The following ADPRHL1 variants were observed in gnomAD, a reference collection of about 807,000 sequenced individuals.
ADPRHL1 encodes inactive ADP-ribosyltransferase ARH2.
In ADPRHL1, 43 loss-of-function variants were observed where a neutral mutation model predicts 44.1. That is an observed-to-expected ratio of 0.98 (90% CI 0.76 to 1.26). The LOEUF is 1.26. ADPRHL1 is among the 50% of genes most tolerant of loss of function. ADPRHL1 has a pLI of 0.00. For missense variants in ADPRHL1, 2,022 were observed against 2,496.9 expected (o/e 0.81, Z 4.05); for synonymous variants, 878 against 1,017.4 (o/e 0.86, Z 2.61).
chr13:113,451,189 A>G (rs569312203), intron 1 of ADPRHL1, among the ~76,000 whole-genome samples: 7 of 152,358 alleles, frequency 4.6e-5, no homozygotes, highest in Admixed American at 1.3e-4. Context: ...GGTTTTTCCT[A>G]GGCTATGATT....
chr13:113,440,400 A>G (rs1230304948), intron 2 of ADPRHL1, among the ~76,000 whole-genome samples: 1 of 151,732 alleles, frequency 6.6e-6, no homozygotes, highest in East Asian at 1.9e-4. Flanking sequence ...TGTATGTGTT[A>G]CTAATATAGT....
chr13:113,430,357 T>C (rs967056867), intron 3 of ADPRHL1, among the ~76,000 whole-genome samples: 1 of 152,142 alleles, frequency 6.6e-6, no homozygotes, highest in African/African-American at 2.4e-5. Context: ...ACATGAGCTC[T>C]CTCCTCTCAC....
intron 1 of ADPRHL1, among the ~76,000 whole-genome samples, chr13:113,450,963 C>G (rs1595558849): frequency 6.8e-6 from 1 of 147,066 alleles, no homozygotes; most frequent in Non-Finnish European, 1.5e-5. Context: ...CCCCCCCCCC[C>G]TTCCTGGTCT....
intron 1 of ADPRHL1, among the ~76,000 whole-genome samples, chr13:113,450,817 A>T (rs796104641): frequency 6.6e-6 from 1 of 152,314 alleles, no homozygotes; most frequent in South Asian, 2.1e-4. Flanking sequence ...GCAGACTAGG[A>T]GTGTGACCAC....
chr13:113,413,588 C>T (rs181286204), intron 7 of ADPRHL1, among the ~76,000 whole-genome samples: 1 of 152,364 alleles, frequency 6.6e-6, no homozygotes, highest in African/African-American at 2.4e-5. Flanking sequence ...CTTTCCCACC[C>T]CTGCTGCACA....
intron 1 of ADPRHL1, among the ~76,000 whole-genome samples, chr13:113,445,665 C>G (rs910611887): frequency 6.6e-6 from 1 of 152,148 alleles, no homozygotes; most frequent in African/African-American, 2.4e-5. Flanking sequence ...CTTGGCCCAC[C>G]CTCCATGGGG....
At chr13:113,433,358 C>T (rs888812755) in intron 3 of ADPRHL1, among the ~76,000 whole-genome samples, 1 of 152,230 alleles carries the variant, frequency 6.6e-6, no homozygotes, top group Non-Finnish European at 1.5e-5. Context: ...GTTTCTTTGT[C>T]TTTTGTTCTG....
chr13:113,413,516 C>T (rs982911769), intron 7 of ADPRHL1, among the ~76,000 whole-genome samples: 20 of 152,234 alleles, frequency 1.3e-4, no homozygotes, highest in African/African-American at 4.3e-4. Flanking sequence ...TGGGGCTCTG[C>T]GTGTCTCCCG....
intron 7 of ADPRHL1, among the ~76,000 whole-genome samples, chr13:113,418,984 C>CT (rs2043900041): frequency 9.5e-6 from 1 of 105,560 alleles, no homozygotes; most frequent in Non-Finnish European, 2.0e-5. Context: ...TTTTCCTTCC[C>CT]TCCCTCCCTC....
At chr13:113,448,955 T>C in intron 1 of ADPRHL1, 3 of 985,624 alleles carry the variant, frequency 3.0e-6, no homozygotes, top group Non-Finnish European at 3.6e-6. Flanking sequence ...GGCCGAGCTC[T>C]CTGTGCGAGG....
intron 7 of ADPRHL1, among the ~76,000 whole-genome samples, chr13:113,418,098 G>C (rs1320990556): frequency 6.6e-6 from 1 of 152,178 alleles, no homozygotes; most frequent in African/African-American, 2.4e-5. Context: ...AGGGGAGAAG[G>C]CTTGAGTGTG....
chr13:113,445,416 G>A (rs1241551377), intron 1 of ADPRHL1, among the ~76,000 whole-genome samples: 1 of 152,272 alleles, frequency 6.6e-6, no homozygotes, highest in East Asian at 1.9e-4. Flanking sequence ...CTGGTGCCTG[G>A]CCATGCCAGG....
intron 7 of ADPRHL1, among the ~76,000 whole-genome samples, chr13:113,416,997 G>T (rs2043890419): frequency 6.6e-6 from 1 of 152,208 alleles, no homozygotes; most frequent in South Asian, 2.1e-4. Flanking sequence ...CGTGGGAGTT[G>T]TCGGAGCTAG....
chr13:113,411,009 TTGCAGG>T (rs1429470931), intron 7 of ADPRHL1, among the ~76,000 whole-genome samples: 1 of 152,218 alleles, frequency 6.6e-6, no homozygotes, highest in Non-Finnish European at 1.5e-5. Context: ...CTTAATGACT[TTGCAGG>T]TGAGTCATTC....
In ADPRHL1 at chr13:113,413,444, G is replaced by A. The variant is rs185128650; in HGVS notation, c.1062-5224C>T. 6.3e-3 allele frequency among the ~76,000 whole-genome samples: 966 copies of A among 152,290 alleles called. 10 individuals are homozygous for A. Among genetic ancestry groups the A allele is most frequent in the Non-Finnish European group, 7.4e-3 (500 of 68,014 alleles). Reference sequence around the variant, plus strand: ...CCCCACAAAGGGGAACAGCGTGGACGCCAGGAACGCCCCCAAGTCATGGAC... The same window carrying A: ...CCCCACAAAGGGGAACAGCGTGGACACCAGGAACGCCCCCAAGTCATGGAC... On this transcript the variant is annotated intron_variant, in intron 7 of 7. Coordinates refer to ENST00000612156, the MANE Select transcript of ADPRHL1 (RefSeq NM_001394807.1).
At chr13:113,448,701 G>A in intron 1 of ADPRHL1, among the ~76,000 whole-genome samples, 1 of 152,206 alleles carries the variant, frequency 6.6e-6, no homozygotes, top group South Asian at 2.1e-4. Context: ...CCGCCATCCT[G>A]CTGGGCCCTG....
chr13:113,421,254 C>CCGGG (rs2043918956), intron 7 of ADPRHL1, among the ~76,000 whole-genome samples: 6 of 55,368 alleles, frequency 1.1e-4, no homozygotes, highest in African/African-American at 2.4e-4. Flanking sequence ...ACGCCCACCC[C>CCGGG]AGGGACACGC....
rs1411449448 is a variant in ADPRHL1 at position 113,406,149 on chromosome 13, A to AT, written c.3132dup (p.Ser1045IlefsTer9). ...TCAGGCCCCGTACGCCCCTTGGATG[A>AT]TGCCGCCAGTGACGTGGGGGCTCCT... On this transcript the variant is annotated frameshift_variant, in exon 8 of 8. Transcript: ENST00000612156. LOFTEE classifies it low-confidence loss of function (END_TRUNC). The AT allele has an allele frequency of 4.1e-6, 5 of 1,231,974 alleles. No individual in the cohort carries two copies. Among genetic ancestry groups the AT allele is most frequent in the Non-Finnish European group, 5.1e-6 (5 of 987,984 alleles). The allele number at this position is 1,231,974 out of a possible 1,614,324, so 76.3% of individuals were successfully genotyped here. A position where few individuals can be genotyped will look rare whatever the true frequency, so the allele number is the denominator to read the frequency against.
In ADPRHL1 at chr13:113,420,156, C is replaced by T. The variant is rs141866375; in HGVS notation, c.1061+2670G>A. 8.8e-4 allele frequency among the ~76,000 whole-genome samples: 134 copies of T among 152,248 alleles called. 1 individual carries two copies. Among genetic ancestry groups the T allele is most frequent in the African/African-American group, 2.9e-3 (121 of 41,544 alleles). ...TCGCAAAAATGAAACCTGCCGGTGC[C>T]GTTTTAAACAGCAGAGTTGGCTCAG... On this transcript the variant is annotated intron_variant, in intron 7 of 7. Coordinates refer to ENST00000612156, the MANE Select transcript of ADPRHL1 (RefSeq NM_001394807.1).
Sources: allele counts gnomAD v4.1 joint callset (sites outside exome capture counted in the v4.1 genomes callset), GRCh38; gene constraint gnomAD v4.1.1; transcripts MANE v1.5; gene names NCBI Gene and HGNC (gene_info 2026-07-23, HGNC 2026-07-21).